The following ATP13A5 variants were observed in gnomAD, a reference collection of about 807,000 sequenced individuals.
ATP13A5 encodes the protein probable cation-transporting ATPase 13A5.
ATP13A5 carries 149 observed loss-of-function variants against 150.2 expected under a neutral mutation model. The observed-to-expected ratio is 0.99, with a 90% CI of 0.87 to 1.14. The LOEUF (loss-of-function observed/expected upper bound fraction) is 1.14, where lower values mean the gene tolerates loss of function less well. Ranked by LOEUF, ATP13A5 falls within the 50% of genes most tolerant of loss-of-function variation. The probability of loss-of-function intolerance (pLI) is 0.00; values close to 1 mark genes in which losing one functional copy is unlikely to be tolerated. For synonymous variants in ATP13A5, 497 were observed against 522.2 expected, an observed-to-expected ratio of 0.95 and a Z score of 0.66; for missense variants, 1,383 against 1,449.3, an observed-to-expected ratio of 0.95 and a Z score of 0.74.
chr3:193,311,141 T>G (rs752095023), intron 20 of ATP13A5, among the ~76,000 whole-genome samples: 1 of 152,190 alleles, frequency 6.6e-6, no homozygotes, highest in Non-Finnish European at 1.5e-5. Flanking sequence ...TGTGCACACC[T>G]TAGACAAGCA....
At chr3:193,331,769 C>T (rs866275129) in intron 11 of ATP13A5, among the ~76,000 whole-genome samples, 2 of 152,196 alleles carry the variant, frequency 1.3e-5, no homozygotes, top group Non-Finnish European at 1.5e-5. Flanking sequence ...TGGATACTAA[C>T]TCTGGAGCAG....
chr3:193,314,848 G>C, intron 18 of ATP13A5, 124 bp downstream of exon 18: 1 of 1,279,066 alleles, frequency 7.8e-7, no homozygotes, highest in Admixed American at 2.1e-5. Flanking sequence ...GGACTACAGG[G>C]TAACAAATTC....
intron 16 of ATP13A5, among the ~76,000 whole-genome samples, chr3:193,320,279 G>C (rs961308212): frequency 1.3e-5 from 2 of 152,120 alleles, no homozygotes; most frequent in Non-Finnish European, 2.9e-5. Flanking sequence ...CAGACTTTCT[G>C]TAATTCTAAA....
At chr3:193,347,813 C>T (rs1712405764) in intron 7 of ATP13A5, among the ~76,000 whole-genome samples, 1 of 152,150 alleles carries the variant, frequency 6.6e-6, no homozygotes, top group Admixed American at 6.6e-5. Context: ...AATGTCACCT[C>T]CACTCTGCAA....
Position 193,335,109 on chromosome 3 carries a change from A to T in ATP13A5, c.944-10T>A. 1 of 1,612,946 alleles carries T rather than the reference A, an allele frequency of 6.2e-7. No individual in the cohort carries two copies. Among genetic ancestry groups the T allele is most frequent in the Non-Finnish European group, 8.5e-7 (1 of 1,179,168 alleles). On this transcript the variant is annotated splice_polypyrimidine_tract_variant and intron_variant, in intron 9 of 29. Transcript: ENST00000342358. ...ACAGGTATACTTTCTCCTAAAGAGG[A>T]TTGTATTTTGTTGAATCTATGTAAG... is the stretch of plus-strand genomic sequence containing the variant.
intron 27 of ATP13A5, among the ~76,000 whole-genome samples, chr3:193,283,231 C>T (rs895686701): frequency 6.6e-6 from 1 of 152,090 alleles, no homozygotes; most frequent in African/African-American, 2.4e-5. Context: ...GTTGGAGCAA[C>T]TTGTTTTAAT....
At position 193,362,750 on chromosome 3, in the gene ATP13A5, C is replaced by CTTCTTCTTTCTTTCT. The variant is rs1194680637; in HGVS notation, c.385-114_385-113insAGAAAGAAAGAAGAA. ...CCCCTTGTGGGTCTCACTTGCTTTC[C>CTTCTTCTTTCTTTCT]TTCTTTCTTTCTTTCTTTCTTTCTT... On this transcript the variant is annotated intron_variant, in intron 3 of 29. Coordinates refer to ENST00000342358, the MANE Select transcript of ATP13A5 (RefSeq NM_198505.4). The CTTCTTCTTTCTTTCT allele has an allele frequency of 4.7e-6, 3 of 633,112 alleles. No individual in the cohort carries two copies. The African/African-American group carries it at 7.7e-5, about 16-fold the overall frequency. The allele number at this position is 633,112 out of a possible 1,614,324, so 39.2% of individuals were successfully genotyped here. A position where few individuals can be genotyped will look rare whatever the true frequency, so the allele number is the denominator to read the frequency against.
At chr3:193,370,274 C>T (rs1713394223) in intron 1 of ATP13A5, among the ~76,000 whole-genome samples, 1 of 152,178 alleles carries the variant, frequency 6.6e-6, no homozygotes, top group African/African-American at 2.4e-5. Flanking sequence ...TAAATCGCAA[C>T]TTAGAGCCAG....
At chr3:193,342,505 T>G (rs1446491765) in intron 9 of ATP13A5, among the ~76,000 whole-genome samples, 3 of 152,242 alleles carry the variant, frequency 2.0e-5, no homozygotes, top group Non-Finnish European at 4.4e-5. Context: ...CCTCTATCGG[T>G]ACTTAAGTTA....
chr3:193,359,672 G>C (rs1216538174), intron 5 of ATP13A5, among the ~76,000 whole-genome samples: 3 of 152,292 alleles, frequency 2.0e-5, no homozygotes, highest in African/African-American at 7.2e-5. Context: ...GGTGGCTTAA[G>C]TTGGCCATGG....
intron 1 of ATP13A5, among the ~76,000 whole-genome samples, chr3:193,371,292 C>G (rs1214299884): frequency 6.6e-6 from 1 of 152,210 alleles, no homozygotes; most frequent in Non-Finnish European, 1.5e-5. Context: ...ATACAGTGTT[C>G]TTTGCAGATG....
At chr3:193,330,586 G>A (rs943530826) in intron 12 of ATP13A5, among the ~76,000 whole-genome samples, 29 of 152,190 alleles carry the variant, frequency 1.9e-4, no homozygotes, top group Admixed American at 1.4e-3. Flanking sequence ...CTTGGTAAAC[G>A]CAGTGTTCCC....
chr3:193,312,170 G>A (rs767585589), intron 19 of ATP13A5, among the ~76,000 whole-genome samples: 26 of 152,150 alleles, frequency 1.7e-4, no homozygotes, highest in Non-Finnish European at 2.5e-4. Context: ...TCTGGATCCC[G>A]TCTTGGGAGA....
intron 20 of ATP13A5, 138 bp downstream of exon 20, chr3:193,311,678 A>C (rs1479415618): frequency 8.1e-7 from 1 of 1,240,254 alleles, no homozygotes; most frequent in East Asian, 2.6e-5. Flanking sequence ...AAACTTTTTC[A>C]GGAGCAGTAC....
At position 193,305,543 on chromosome 3, in the gene ATP13A5, G is replaced by T; in HGVS notation, c.2678+16C>A. 6.2e-7 allele frequency: 1 copy of T among 1,602,012 alleles called. No homozygotes were observed. The highest frequency in any genetic ancestry group is 8.5e-7 in the Non-Finnish European group (1 of 1,170,118). On this transcript the variant is annotated intron_variant, in intron 23 of 29. Coordinates refer to ENST00000342358, the MANE Select transcript of ATP13A5 (RefSeq NM_198505.4). ...GCCCATTGATTGTAGGGCTGGAAGAGGAAAAAATGACTTACCTGATGAGAT... is the reference window on the plus strand; with the variant it reads ...GCCCATTGATTGTAGGGCTGGAAGATGAAAAAATGACTTACCTGATGAGAT...
chr3:193,336,869 C>T (rs1376150721), intron 9 of ATP13A5, among the ~76,000 whole-genome samples: 1 of 152,158 alleles, frequency 6.6e-6, no homozygotes, highest in East Asian at 1.9e-4. Flanking sequence ...TAAAAGTGTT[C>T]CTATTTCTCC....
rs115421201 is a variant in ATP13A5 at position 193,291,284 on chromosome 3, G to C, written c.2849-1225C>G. Among the ~76,000 whole-genome samples the C allele has an allele frequency of 3.0e-3, 451 of 152,216 alleles. 2 individuals carry two copies. The highest frequency in any genetic ancestry group is 0.01 in the African/African-American group (436 of 41,544). ...GTTTTCCCGGCAGGGTGCTGGGCTA[G>C]AGTCTGTGGGGTATGCAGAGATGAG... On this transcript the variant is annotated intron_variant, in intron 25 of 29. Transcript: ENST00000342358.
At chr3:193,373,904 A>T (rs1480134431) in intron 1 of ATP13A5, among the ~76,000 whole-genome samples, 2 of 152,148 alleles carry the variant, frequency 1.3e-5, no homozygotes, top group South Asian at 4.1e-4. Context: ...CCAAGCAGCC[A>T]TTTTGCCTTC....
chr3:193,310,414 T>C (rs994519392), intron 21 of ATP13A5, among the ~76,000 whole-genome samples: 1 of 152,212 alleles, frequency 6.6e-6, no homozygotes, highest in African/African-American at 2.4e-5. Flanking sequence ...CAAATGGTAG[T>C]TCTGTTTTAG....
Sources: allele counts gnomAD v4.1 joint callset (sites outside exome capture counted in the v4.1 genomes callset), GRCh38; gene constraint gnomAD v4.1.1; transcripts MANE v1.5; gene names NCBI Gene and HGNC (gene_info 2026-07-23, HGNC 2026-07-21).